PRKCB: variants seen among roughly 807,000 people sequenced by gnomAD.
PRKCB encodes the protein protein kinase C beta.
Under a neutral mutation model 81.5 loss-of-function variants are expected in PRKCB, and 13 were observed. The ratio of observed to expected loss-of-function variants is 0.16; its 90% CI spans 0.10 to 0.25. The LOEUF (loss-of-function observed/expected upper bound fraction) is 0.25, where lower values mean the gene tolerates loss of function less well. Among genes scored for constraint, PRKCB ranks in the 10% least tolerant of loss-of-function variants. The pLI, the probability that PRKCB is intolerant of heterozygous loss-of-function variation, is 1.00. For synonymous variants in PRKCB, 335 were observed against 321.4 expected (o/e 1.04, Z -0.45); for missense variants, 509 against 875.7 (o/e 0.58, Z 5.29).
At chr16:24,157,965 A>G (rs543407729) in intron 10 of PRKCB, among the ~76,000 whole-genome samples, 1 of 152,192 alleles carries the variant, frequency 6.6e-6, no homozygotes, top group Non-Finnish European at 1.5e-5. Context: ...ATGGGAATGA[A>G]GGCCTTCCCA....
At chr16:24,186,112 T>C (rs141697303) in intron 15 of PRKCB, among the ~76,000 whole-genome samples, 2,819 of 152,304 alleles carry the variant, frequency 0.019, 41 homozygotes, top group Non-Finnish European at 0.028. Context: ...TAAAAGGGCA[T>C]GCACGCTTGG....
intron 16 of PRKCB, among the ~76,000 whole-genome samples, chr16:24,200,136 G>C (rs1479946582): frequency 6.6e-6 from 1 of 152,116 alleles, no homozygotes; most frequent in African/African-American, 2.4e-5. Context: ...TGACAAAGAC[G>C]GCATGCATTG....
At chr16:23,882,021 T>TTCTTTCTTCCTTCCTTCCTTCCTTC (rs1555481692) in intron 2 of PRKCB, among the ~76,000 whole-genome samples, 3 of 55,592 alleles carry the variant, frequency 5.4e-5, no homozygotes, top group Non-Finnish European at 7.3e-5. Flanking sequence ...TTTCTTTCTT[T>TTCTTTCTTCCTTCCTTCCTTCCTTC]CTTCCTTCCT....
chr16:23,869,386 A>C, intron 2 of PRKCB: 1 of 253,238 alleles, frequency 3.9e-6, no homozygotes, highest in South Asian at 3.9e-5. Context: ...GTAAGTCACT[A>C]GAATTTTGGG....
rs75611941 is a variant in PRKCB, at chr16:23,917,849, G to C, written c.206-70659G>C. 7.1e-3 allele frequency among the ~76,000 whole-genome samples: 1,088 copies of C among 152,336 alleles called. 21 individuals carry two copies. The highest frequency in any genetic ancestry group is 0.025 in the African/African-American group (1,030 of 41,560). On this transcript the variant is annotated intron_variant, in intron 2 of 16. Transcript: ENST00000643927. ...ATCTCGTAAAGCTGACTCAAAGCAA[G>C]AGAAAATTTCGTGTCTGTCTTAGAA...
At chr16:23,971,246 C>T (rs1038522807) in intron 2 of PRKCB, among the ~76,000 whole-genome samples, 2 of 152,190 alleles carry the variant, frequency 1.3e-5, no homozygotes, top group African/African-American at 2.4e-5. Context: ...CAGAAAAATT[C>T]CCTGTGGATG....
intron 5 of PRKCB, among the ~76,000 whole-genome samples, chr16:24,050,036 A>C (rs1469244854): frequency 6.6e-6 from 1 of 152,204 alleles, no homozygotes; most frequent in Non-Finnish European, 1.5e-5. Flanking sequence ...CAAGAAGCCA[A>C]GCACGTTGAG....
chr16:24,016,416 A>G (rs1965278361), intron 3 of PRKCB, among the ~76,000 whole-genome samples: 1 of 152,058 alleles, frequency 6.6e-6, no homozygotes, highest in African/African-American at 2.4e-5. Context: ...TCACTCGTTG[A>G]AACAACAGGT....
chr16:24,041,052 A>G (rs1225060278), intron 5 of PRKCB, among the ~76,000 whole-genome samples: 1 of 104,032 alleles, frequency 9.6e-6, no homozygotes, highest in Non-Finnish European at 2.1e-5. Flanking sequence ...ATGCAACAAT[A>G]ATTTTTTTTG....
chr16:24,188,135 G>A (rs1446782409), intron 15 of PRKCB, among the ~76,000 whole-genome samples: 1 of 152,174 alleles, frequency 6.6e-6, no homozygotes, highest in Admixed American at 6.5e-5. Context: ...CAGTTTCCCT[G>A]GTAGAGCCGT....
In PRKCB at chr16:24,219,655, AACACACACAC is replaced by A. The variant is rs869265824; in HGVS notation, c.*4878_*4887del. 6.4e-4 allele frequency: 476 copies of A among 742,252 alleles called. No individual in the cohort carries two copies. The highest frequency in any genetic ancestry group is 2.6e-3 in the South Asian group (45 of 17,274). The allele number at this position is 742,252 out of a possible 1,614,324, so 46.0% of individuals were successfully genotyped here. ...ATCCTAAAGCCAAAGAAAATACAGC[AACACACACAC>A]ACACACACACACACACACACACACA... is the stretch of plus-strand genomic sequence containing the variant. On this transcript the variant is annotated 3_prime_UTR_variant, in exon 17 of 17. Transcript: ENST00000643927.
At chr16:24,173,777 C>T (rs1044753722) in intron 11 of PRKCB, among the ~76,000 whole-genome samples, 31 of 152,142 alleles carry the variant, frequency 2.0e-4, no homozygotes, top group Admixed American at 1.4e-3. Flanking sequence ...TTTCTTATTC[C>T]AGCTGCGCCA....
At chr16:23,870,667 C>T (rs1242316033) in intron 2 of PRKCB, among the ~76,000 whole-genome samples, 1 of 152,242 alleles carries the variant, frequency 6.6e-6, no homozygotes, top group African/African-American at 2.4e-5. Flanking sequence ...CAGGACCTAC[C>T]TGCACGTAGG....
In PRKCB at chr16:23,836,354, C is replaced by A; in HGVS notation, c.173+6C>A. 1 of 1,586,024 alleles carries A rather than the reference C, an allele frequency of 6.3e-7. No individual in the cohort carries two copies. Among genetic ancestry groups the A allele is most frequent in the Non-Finnish European group, 8.6e-7 (1 of 1,166,608 alleles). ...CACTGCACCGACTTCATCTGGTGAG[C>A]GCGCGCGCGCAGGGCACCTTCCCGG... On this transcript the variant is annotated splice_donor_region_variant and intron_variant, in intron 1 of 16. Transcript: ENST00000643927.
chr16:23,875,661 T>TATATATGTATGTATATCACACAC (rs1567298642), intron 2 of PRKCB, among the ~76,000 whole-genome samples: 5 of 60,054 alleles, frequency 8.3e-5, no homozygotes, highest in Admixed American at 3.3e-4. Flanking sequence ...ATATCACACA[T>TATATATGTATGTATATCACACAC]ATATATGTAT....
intron 2 of PRKCB, among the ~76,000 whole-genome samples, chr16:23,865,023 A>T (rs1962747455): frequency 6.6e-6 from 1 of 152,006 alleles, no homozygotes; most frequent in Non-Finnish European, 1.5e-5. Flanking sequence ...GCTTAGGATA[A>T]TGGCCTCCAG....
intron 2 of PRKCB, among the ~76,000 whole-genome samples, chr16:23,884,573 C>T (rs929963382): frequency 5.9e-5 from 9 of 152,150 alleles, no homozygotes; most frequent in Non-Finnish European, 7.3e-5. Context: ...TTCACTCTGT[C>T]GCCTAGACTG....
chr16:23,864,145 A>C (rs146928440), intron 2 of PRKCB, among the ~76,000 whole-genome samples: 1 of 152,272 alleles, frequency 6.6e-6, no homozygotes, highest in Non-Finnish European at 1.5e-5. Context: ...GATTTTATTT[A>C]TTTTAGGAAC....
intron 2 of PRKCB, among the ~76,000 whole-genome samples, chr16:23,869,540 A>T (rs1023159030): frequency 1.3e-5 from 2 of 152,150 alleles, no homozygotes; most frequent in African/African-American, 4.8e-5. Context: ...CTAATATTCC[A>T]TTCTAACTTA....
Sources: gnomAD v4.1 joint callset for allele counts (sites outside exome capture counted in the v4.1 genomes callset) on GRCh38, gnomAD v4.1.1 for gene constraint, MANE v1.5 for transcripts, NCBI Gene and HGNC (gene_info 2026-07-23, HGNC 2026-07-21) for gene names.